The following C1GALT1 variants were observed in gnomAD, a reference collection of about 807,000 sequenced individuals.
C1GALT1 encodes the protein core 1 synthase, glycoprotein-N-acetylgalactosamine 3-beta-galactosyltransferase 1.
C1GALT1 carries 11 observed loss-of-function variants against 31.0 expected under a neutral mutation model. That is an observed-to-expected ratio of 0.36 (90% confidence interval 0.22 to 0.59). C1GALT1 has a LOEUF of 0.59. C1GALT1 is among the 20% of genes least tolerant of loss of function. C1GALT1 has a pLI of 0.79. For missense variants in C1GALT1, 424 were observed against 425.2 expected (o/e 1.00, Z 0.03); for synonymous variants, 175 against 143.6 (o/e 1.22, Z -1.56).
At chr7:7,206,988 T>C (rs1781766963) in intron 1 of C1GALT1, among the ~76,000 whole-genome samples, 1 of 152,154 alleles carries the variant, frequency 6.6e-6, no homozygotes, top group Admixed American at 6.5e-5. Flanking sequence ...TAGATGTTTA[T>C]ATTCATGCCT....
chr7:7,163,576 C>T (rs1780361239), intron 2 of C1GALT1, among the ~76,000 whole-genome samples: 1 of 152,134 alleles, frequency 6.6e-6, no homozygotes. Flanking sequence ...CCCATTGTCT[C>T]AGCCCAAAAT....
At chr7:7,206,016 T>A (rs1358597564) in intron 1 of C1GALT1, among the ~76,000 whole-genome samples, 1 of 152,244 alleles carries the variant, frequency 6.6e-6, no homozygotes, top group African/African-American at 2.4e-5. Flanking sequence ...TTCTATAAGC[T>A]ATTTTCTTTG....
chr7:7,210,859 T>G (rs1781971311), intron 1 of C1GALT1, among the ~76,000 whole-genome samples: 1 of 152,218 alleles, frequency 6.6e-6, no homozygotes, highest in Non-Finnish European at 1.5e-5. Flanking sequence ...TTAACAGCCG[T>G]GGCTTTACAA....
chr7:7,202,102 C>T (rs570192612), intron 1 of C1GALT1, among the ~76,000 whole-genome samples: 14 of 152,332 alleles, frequency 9.2e-5, no homozygotes, highest in African/African-American at 1.2e-4. Context: ...ATCCTTCTCT[C>T]GTGAATTGGC....
rs1452540143 is a variant in C1GALT1 at position 7,182,707 on chromosome 7, C to T, written c.-131C>T. The T allele has an allele frequency of 5.5e-5, 41 of 747,312 alleles. No individual in the cohort carries two copies. The highest frequency in any genetic ancestry group is 6.5e-5 in the Non-Finnish European group (40 of 612,468). 46.3% of individuals were successfully genotyped at this position (747,312 alleles called of 1,614,324 possible). On this transcript the variant is annotated 5_prime_UTR_variant, in exon 1 of 4. Transcript: ENST00000436587. ...TCTGGGCGGCAGCGGGCGGCCTCGG[C>T]TAGCGGCCACGAGCCACTTCTGCGG...
chr7:7,234,170 G>GTAA, intron 1 of C1GALT1, 133 bp from the exon 2 acceptor site: 1 of 668,770 alleles, frequency 1.5e-6, no homozygotes, highest in African/African-American at 1.8e-5. Context: ...AAATAGAGGG[G>GTAA]TAAACTCATA....
At chr7:7,213,264 T>C (rs188286957) in intron 1 of C1GALT1, among the ~76,000 whole-genome samples, 263 of 152,254 alleles carry the variant, frequency 1.7e-3, no homozygotes, top group African/African-American at 6.0e-3. Flanking sequence ...AAGACAACAA[T>C]TGTCTGCAAA....
At chr7:7,197,652 T>G (rs1381339134) in intron 1 of C1GALT1, among the ~76,000 whole-genome samples, 1 of 152,206 alleles carries the variant, frequency 6.6e-6, no homozygotes. Context: ...ATTTTCATGA[T>G]ATTGATTCTT....
rs558410469 is a variant in C1GALT1, at chr7:7,217,635, A to G, written c.-17-16668A>G. 1.8e-3 allele frequency among the ~76,000 whole-genome samples: 281 copies of G among 152,358 alleles called. 1 individual carries two copies. Among genetic ancestry groups the G allele is most frequent in the Middle Eastern group, 3.4e-3 (1 of 294 alleles). On this transcript the variant is annotated intron_variant, in intron 1 of 3. Coordinates refer to ENST00000436587, the MANE Select transcript of C1GALT1 (RefSeq NM_020156.5). ...AAACTATTGAAAACTTAAGAGGTGTAGGCATGATTTGAAATACAACAGAAG... is the reference window on the plus strand; with the variant it reads ...AAACTATTGAAAACTTAAGAGGTGTGGGCATGATTTGAAATACAACAGAAG...
chr7:7,160,711 T>C (rs868577849), intron 2 of C1GALT1, among the ~76,000 whole-genome samples: 32 of 151,970 alleles, frequency 2.1e-4, no homozygotes, highest in Middle Eastern at 3.4e-3. Flanking sequence ...AAAGATGAAA[T>C]AGAGGGCGTG....
chr7:7,239,518 G>A (rs1184496603), intron 3 of C1GALT1, among the ~76,000 whole-genome samples: 2 of 152,134 alleles, frequency 1.3e-5, no homozygotes, highest in Non-Finnish European at 2.9e-5. Context: ...ACCTTGGATG[G>A]ACAGGAGCCT....
chr7:7,206,605 G>A (rs544779229), intron 1 of C1GALT1, among the ~76,000 whole-genome samples: 18 of 151,720 alleles, frequency 1.2e-4, no homozygotes, highest in African/African-American at 4.1e-4. Context: ...GAAACCAGGA[G>A]GCGGTGGTTG....
rs537799437 is a variant in C1GALT1, at chr7:7,223,785, A to G, written c.-17-10518A>G. On this transcript the variant is annotated intron_variant, in intron 1 of 3. Coordinates refer to ENST00000436587, the MANE Select transcript of C1GALT1 (RefSeq NM_020156.5). Reference sequence around the variant, plus strand: ...ATTTTTCTCCTTTATTATACTGGCTAGAATTTCCAGTACTATATTGAGTAA... The same window carrying G: ...ATTTTTCTCCTTTATTATACTGGCTGGAATTTCCAGTACTATATTGAGTAA... Among the ~76,000 whole-genome samples, 16 of 152,120 alleles carry G rather than the reference A, an allele frequency of 1.1e-4. No homozygotes were observed. The South Asian group carries it at 2.3e-3, about 22-fold the overall frequency.
chr7:7,216,884 T>G (rs926749871), intron 1 of C1GALT1, among the ~76,000 whole-genome samples: 3 of 152,026 alleles, frequency 2.0e-5, no homozygotes, highest in African/African-American at 4.8e-5. Context: ...AGAGAAACCA[T>G]AGAGAGAGAG....
intron 2 of C1GALT1, among the ~76,000 whole-genome samples, chr7:7,174,428 T>C (rs562197164): frequency 5.3e-5 from 8 of 152,332 alleles, no homozygotes; most frequent in Non-Finnish European, 1.2e-4. Context: ...TATTTAGTTT[T>C]GTAAGAAAAC....
intron 1 of C1GALT1, among the ~76,000 whole-genome samples, chr7:7,207,549 T>G (rs1781804809): frequency 6.6e-6 from 1 of 151,888 alleles, no homozygotes; most frequent in South Asian, 2.1e-4. Flanking sequence ...CACATTTTCC[T>G]TTAGTTCTTT....
chr7:7,172,723 T>G (rs1780467077), intron 2 of C1GALT1, among the ~76,000 whole-genome samples: 1 of 152,172 alleles, frequency 6.6e-6, no homozygotes, highest in African/African-American at 2.4e-5. Flanking sequence ...TATTCCTTAC[T>G]CTCACACAAA....
chr7:7,225,313 C>A (rs531888568), intron 1 of C1GALT1, among the ~76,000 whole-genome samples: 54 of 152,264 alleles, frequency 3.5e-4, no homozygotes, highest in South Asian at 1.7e-3. Flanking sequence ...ATTTTTACTT[C>A]CCTGTGTCAT....
At chr7:7,180,720 GT>G (rs1310158394), upstream of C1GALT1, among the ~76,000 whole-genome samples, 2 of 152,034 alleles carry the variant, frequency 1.3e-5, no homozygotes, top group African/African-American at 4.8e-5. Flanking sequence ...AGCATGTATT[GT>G]TTTTATAAAA....
Sources: gnomAD v4.1 joint callset for allele counts (sites outside exome capture counted in the v4.1 genomes callset) on GRCh38, gnomAD v4.1.1 for gene constraint, MANE v1.5 for transcripts, NCBI Gene and HGNC (gene_info 2026-07-23, HGNC 2026-07-21) for gene names.